Variants in MPDZ observed in about 807,000 individuals in gnomAD.
MPDZ encodes multiple PDZ domain crumbs cell polarity complex component.
A neutral mutation model predicts 239.1 loss-of-function variants in MPDZ; 234 were observed. That is an observed-to-expected ratio of 0.98 (90% CI 0.88 to 1.09). The LOEUF is 1.09. MPDZ is among the 50% of genes least tolerant of loss of function. The pLI is 0.00. For synonymous variants in MPDZ, 1,048 were observed against 881.3 expected (o/e 1.19, Z -3.35); for missense variants, 3,175 against 2,510.0 (o/e 1.26, Z -5.66).
chr9:13,131,855 A>G (rs7023598), intron 32 of MPDZ, among the ~76,000 whole-genome samples: 2,153 of 152,258 alleles, frequency 0.014, 55 homozygotes, highest in African/African-American at 0.048. Flanking sequence ...GTTGCTTTGC[A>G]TATACCTGCT....
chr9:13,110,621 G>T lies in MPDZ; in HGVS notation c.5829+15C>A. 1 of 1,596,794 alleles carries T rather than the reference G, an allele frequency of 6.3e-7. No homozygotes were observed. Among genetic ancestry groups the T allele is most frequent in the Non-Finnish European group, 8.6e-7 (1 of 1,165,164 alleles). ...CTACCTATATTCTGAATTATGCTTG[G>T]GATAAAAATCTTACCTGCATTTCAA... On this transcript the variant is annotated intron_variant, in intron 44 of 46. Coordinates refer to ENST00000319217, the MANE Select transcript of MPDZ (RefSeq NM_001378778.1).
Position 13,272,227 on chromosome 9 carries a change from G to C in MPDZ, c.-58+7173C>G, listed in dbSNP as rs145180769. 1.6e-3 allele frequency among the ~76,000 whole-genome samples: 244 copies of C among 152,238 alleles called. 1 individual carries two copies. Among genetic ancestry groups the C allele is most frequent in the African/African-American group, 5.6e-3 (232 of 41,546 alleles). ...ACTCCCTCCCACCTCCTTGAGAAAAGGATAGGGGCTGAATAGGTTGACTTT... is the reference window on the plus strand; with the variant it reads ...ACTCCCTCCCACCTCCTTGAGAAAACGATAGGGGCTGAATAGGTTGACTTT... On this transcript the variant is annotated intron_variant, in intron 1 of 46. Transcript: ENST00000319217.
At chr9:13,249,427 G>A (rs1423272820) in intron 2 of MPDZ, among the ~76,000 whole-genome samples, 2 of 151,846 alleles carry the variant, frequency 1.3e-5, no homozygotes, top group Non-Finnish European at 2.9e-5. Flanking sequence ...GTATAAAATG[G>A]GAAGTGAAGG....
At chr9:13,256,971 C>T (rs1468861112) in intron 1 of MPDZ, among the ~76,000 whole-genome samples, 7 of 152,052 alleles carry the variant, frequency 4.6e-5, no homozygotes, top group Admixed American at 4.6e-4. Flanking sequence ...GGGGTAAGGT[C>T]CTATGTTTGG....
At chr9:13,159,816 G>C (rs1352448767) in intron 23 of MPDZ, among the ~76,000 whole-genome samples, 1 of 152,064 alleles carries the variant, frequency 6.6e-6, no homozygotes, top group Non-Finnish European at 1.5e-5. Context: ...CCCCATATAT[G>C]CTCCTCTATA....
In MPDZ at chr9:13,122,580, G is replaced by A. The variant is rs1944519055; in HGVS notation, c.4954-410C>T. Reference sequence around the variant, plus strand: ...CTGTCACCCAGGCTGGAGTGCAGTGGTGCGATCTCAGCTCACTGCAACCTC... The same window carrying A: ...CTGTCACCCAGGCTGGAGTGCAGTGATGCGATCTCAGCTCACTGCAACCTC... On this transcript the variant is annotated intron_variant, in intron 36 of 46. Coordinates refer to ENST00000319217, the MANE Select transcript of MPDZ (RefSeq NM_001378778.1). Among the ~76,000 whole-genome samples the A allele has an allele frequency of 3.3e-5, 5 of 150,366 alleles. No homozygotes were observed. The South Asian group carries it at 1.1e-3, about 32-fold the overall frequency.
intron 28 of MPDZ, among the ~76,000 whole-genome samples, chr9:13,139,668 A>C (rs1189323573): frequency 6.6e-6 from 1 of 152,154 alleles, no homozygotes; most frequent in Non-Finnish European, 1.5e-5. Flanking sequence ...TGATGCCCAG[A>C]AAGGGGTGGT....
chr9:13,206,022 G>A lies in MPDZ; in HGVS notation c.1368C>T (p.Leu456=), dbSNP rs896770744. Residue 456 remains leucine, a synonymous_variant, in exon 11 of 47, where the codon CTC becomes CTT. Transcript: ENST00000319217. ...TCATTCCTCTCCTCATTAGTGTCAG[G>A]AGCACAGTTTGTCCTGTATGTCGCA... ...EVLRHTGQTV[L]LTLMRRGMKQ... 4.3e-6 allele frequency: 7 copies of A among 1,612,400 alleles called. No individual in the cohort carries two copies. The highest frequency in any genetic ancestry group is 5.9e-6 in the Non-Finnish European group (7 of 1,179,530).
rs775893290 is a variant in MPDZ, at chr9:13,205,896, C to T, written c.1474+20G>A. On this transcript the variant is annotated intron_variant, in intron 11 of 46. Transcript: ENST00000319217. ...GACAATATAAAGGTCTAACTAAAAA[C>T]CAGATTAACATAGGATTACCTTTGA... is the stretch of plus-strand genomic sequence containing the variant. 2.6e-6 allele frequency: 4 copies of T among 1,535,962 alleles called. No individual in the cohort carries two copies. The African/African-American group carries it at 4.2e-5, about 16-fold the overall frequency.
intron 3 of MPDZ, among the ~76,000 whole-genome samples, chr9:13,240,132 G>A (rs1040988599): frequency 3.9e-5 from 6 of 151,948 alleles, no homozygotes; most frequent in African/African-American, 9.7e-5. Context: ...TAGAATTTTT[G>A]CAGTGTTTTT....
rs1158772302 is a variant in MPDZ at position 13,236,267 on chromosome 9, ATTTTTT to A, written c.183+11362_183+11367del. ...TGTGTGTGTATATATATATATATAT[ATTTTTT>A]TTTTTTTTTTTTTTTTTTTTTGAGA... On this transcript the variant is annotated intron_variant, in intron 3 of 46. Coordinates refer to ENST00000319217, the MANE Select transcript of MPDZ (RefSeq NM_001378778.1). 1.4e-3 allele frequency among the ~76,000 whole-genome samples: 29 copies of A among 20,088 alleles called. 1 individual carries two copies. The highest frequency in any genetic ancestry group is 0.045 in the Middle Eastern group (1 of 22). The allele number at this position is 20,088 out of a possible 152,430, so 13.2% of individuals were successfully genotyped here.
chr9:13,145,321 G>A (rs566056833), intron 26 of MPDZ, among the ~76,000 whole-genome samples: 6 of 152,090 alleles, frequency 3.9e-5, no homozygotes, highest in Non-Finnish European at 7.4e-5. Flanking sequence ...CATTCTAAAT[G>A]GGGCCCCCCT....
chr9:13,158,107 G>A lies in MPDZ; in HGVS notation c.3363C>T (p.Asp1121=), dbSNP rs1374160304. Residue 1121 remains aspartate, a synonymous_variant, in exon 24 of 47, where the codon GAC becomes GAT. Transcript: ENST00000319217. ...CTTCTCGCTCTGGTAATTCTGGAAT[G>A]TCTCTGGTTAAAGAATTACACAATG... The part of the protein sequence containing the change: ...LDIFSSYTGR[D]IPELPEREEG... The A allele has an allele frequency of 6.2e-7, 1 of 1,611,932 alleles. No homozygotes were observed. The highest frequency in any genetic ancestry group is 8.5e-7 in the Non-Finnish European group (1 of 1,178,592).
At chr9:13,113,813 A>G in intron 41 of MPDZ, 118 bp downstream of exon 41, 1 of 764,744 alleles carries the variant, frequency 1.3e-6, no homozygotes, top group South Asian at 1.7e-5. Flanking sequence ...GTGTTTTTGT[A>G]CCTATATTTG....
At chr9:13,217,356 C>T (rs1387338933) in intron 8 of MPDZ, 62 bp from the exon 9 acceptor site, 14 of 1,015,714 alleles carry the variant, frequency 1.4e-5, no homozygotes, top group Non-Finnish European at 2.0e-5. Flanking sequence ...AAACAAAAAA[C>T]AAACAAACAA....
rs762957864 is a variant in MPDZ at position 13,136,073 on chromosome 9, A to G, written c.4383+19T>C. ...ATCAATCAAGTCTTCCCAGAGAAAC[A>G]AACATAAGTTACATATACCTCCTTA... is the stretch of plus-strand genomic sequence containing the variant. On this transcript the variant is annotated intron_variant, in intron 31 of 46. Transcript: ENST00000319217. 6.6e-7 allele frequency: 1 copy of G among 1,516,092 alleles called. No homozygotes were observed. Among genetic ancestry groups the G allele is most frequent in the Non-Finnish European group, 9.1e-7 (1 of 1,097,198 alleles). The allele number at this position is 1,516,092 out of a possible 1,614,324, so 93.9% of individuals were successfully genotyped here.
At chr9:13,203,728 CCACACACA>C (rs58472339) in intron 12 of MPDZ, among the ~76,000 whole-genome samples, 9,315 of 139,992 alleles carry the variant, frequency 0.067, 325 homozygotes, top group Middle Eastern at 0.11. Flanking sequence ...ATGTATCCTG[CCACACACA>C]CACACACACA....
At chr9:13,238,852 T>G (rs1964712243) in intron 3 of MPDZ, among the ~76,000 whole-genome samples, 1 of 152,130 alleles carries the variant, frequency 6.6e-6, no homozygotes, top group African/African-American at 2.4e-5. Flanking sequence ...AAGCTGCACA[T>G]TAAATATATG....
Position 13,159,076 on chromosome 9 carries a change from A to G in MPDZ, c.3360-966T>C, listed in dbSNP as rs189024106. Among the ~76,000 whole-genome samples, 351 of 152,280 alleles carry G rather than the reference A, an allele frequency of 2.3e-3. 2 individuals carry two copies. Among genetic ancestry groups the G allele is most frequent in the Middle Eastern group, 0.01 (3 of 294 alleles). On this transcript the variant is annotated intron_variant, in intron 23 of 46. Transcript: ENST00000319217. ...AAAGAAAGTATGTAAAATTACAGCC[A>G]TTCTCCCCTGACAGGAATACTGAAC...
Sources: allele counts gnomAD v4.1 joint callset (sites outside exome capture counted in the v4.1 genomes callset), GRCh38; gene constraint gnomAD v4.1.1; transcripts MANE v1.5; gene names NCBI Gene and HGNC (gene_info 2026-07-23, HGNC 2026-07-21).